Variants in ARMH4 observed in about 807,000 individuals in gnomAD.
The protein encoded by ARMH4 is armadillo like helical domain containing 4.
Under a neutral mutation model 61.9 loss-of-function variants are expected in ARMH4, and 49 were observed. The ratio of observed to expected loss-of-function variants is 0.79; its 90% CI spans 0.63 to 1.00. The LOEUF is 1.00. Among genes scored for constraint, ARMH4 ranks in the 50% least tolerant of loss-of-function variants. The probability of loss-of-function intolerance (pLI) is 0.00; values close to 1 mark genes in which losing one functional copy is unlikely to be tolerated. For missense variants in ARMH4, 934 were observed against 930.0 expected (o/e 1.00, Z -0.06); for synonymous variants, 368 against 341.5 (o/e 1.08, Z -0.85).
intron 4 of ARMH4, among the ~76,000 whole-genome samples, chr14:58,109,715 G>A (rs1000171525): frequency 1.3e-5 from 2 of 152,060 alleles, no homozygotes; most frequent in Non-Finnish European, 2.9e-5. Flanking sequence ...AAATCTTACT[G>A]TTATTACTTC....
chr14:58,151,310 A>T lies in ARMH4; in HGVS notation c.-57+765T>A, dbSNP rs1887911089. Reference sequence around the variant, plus strand: ...AAGGTTCTACATGTTTGGAATCTACACAAGTCAGATTCTGTCAGTGACCAC... The same window carrying T: ...AAGGTTCTACATGTTTGGAATCTACTCAAGTCAGATTCTGTCAGTGACCAC... On this transcript the variant is annotated intron_variant, in intron 1 of 7. Transcript: ENST00000267485. Among the ~76,000 whole-genome samples the T allele has an allele frequency of 2.0e-5, 3 of 152,086 alleles. No individual in the cohort carries two copies. In the South Asian group the frequency reaches 6.2e-4, roughly 32 times the overall value.
At chr14:58,124,875 T>C (rs1354892353) in intron 4 of ARMH4, among the ~76,000 whole-genome samples, 5 of 152,170 alleles carry the variant, frequency 3.3e-5, no homozygotes, top group Admixed American at 3.3e-4. Flanking sequence ...GCAGAACTAA[T>C]AGCCCTCACT....
intron 2 of ARMH4, among the ~76,000 whole-genome samples, chr14:58,133,784 A>G (rs112077137): frequency 3.3e-5 from 5 of 152,356 alleles, no homozygotes; most frequent in African/African-American, 7.2e-5. Flanking sequence ...AAAATAAAGG[A>G]GTAATAATTA....
intron 4 of ARMH4, 135 bp downstream of exon 4, chr14:58,131,377 G>A: frequency 5.0e-6 from 3 of 600,456 alleles, no homozygotes; most frequent in Non-Finnish European, 8.4e-6. Context: ...GGCCAGATTT[G>A]GCCCAGCTGT....
At chr14:58,070,936 A>G (rs1884864191) in intron 5 of ARMH4, among the ~76,000 whole-genome samples, 1 of 152,088 alleles carries the variant, frequency 6.6e-6, no homozygotes, top group Admixed American at 6.5e-5. Flanking sequence ...TTTGATTTTT[A>G]GATCCCACAA....
chr14:58,016,401 AT>A (rs1882617492), intron 5 of ARMH4, among the ~76,000 whole-genome samples: 1 of 152,208 alleles, frequency 6.6e-6, no homozygotes, highest in South Asian at 2.1e-4. Flanking sequence ...TAGATAAAAA[AT>A]ATTACGTGTA....
chr14:58,055,968 C>G (rs1044349613), intron 5 of ARMH4, among the ~76,000 whole-genome samples: 1 of 152,236 alleles, frequency 6.6e-6, no homozygotes, highest in Non-Finnish European at 1.5e-5. Flanking sequence ...CCTGTAAGTA[C>G]TCAGACCCTT....
intron 5 of ARMH4, among the ~76,000 whole-genome samples, chr14:58,071,596 A>T (rs902600489): frequency 2.6e-5 from 4 of 151,892 alleles, no homozygotes; most frequent in African/African-American, 9.7e-5. Flanking sequence ...TAACTCAAAC[A>T]CCCCAGTGAG....
rs377719583 is a variant in ARMH4 at position 58,087,122 on chromosome 14, T to G, written c.2089+9602A>C. On this transcript the variant is annotated intron_variant, in intron 5 of 7. Coordinates refer to ENST00000267485, the MANE Select transcript of ARMH4 (RefSeq NM_001001872.4). The stretch of plus-strand genomic sequence containing the variant: ...CTAATTTCCTGATTTAAATCTCTGA[T>G]TCCTTGTTTTAACATTTAATTTCTT... Among the ~76,000 whole-genome samples the G allele has an allele frequency of 4.5e-4, 68 of 152,346 alleles. 1 individual carries two copies. In the South Asian group the frequency reaches 0.01, roughly 23 times the overall value.
At chr14:58,122,651 G>A (rs1397531221) in intron 4 of ARMH4, among the ~76,000 whole-genome samples, 1 of 152,270 alleles carries the variant, frequency 6.6e-6, no homozygotes. Context: ...TTTAGTCATG[G>A]CCCTCAGGCA....
intron 5 of ARMH4, among the ~76,000 whole-genome samples, chr14:58,061,585 A>G (rs547690479): frequency 2.1e-4 from 32 of 152,310 alleles, no homozygotes; most frequent in African/African-American, 7.7e-4. Context: ...GTTACAGGAG[A>G]AATGAAAGCC....
At position 58,079,474 on chromosome 14, in the gene ARMH4, C is replaced by T. The variant is rs114224998; in HGVS notation, c.2089+17250G>A. 2.1e-3 allele frequency among the ~76,000 whole-genome samples: 323 copies of T among 152,302 alleles called. 4 individuals are homozygous for T. The highest frequency in any genetic ancestry group is 7.5e-3 in the African/African-American group (311 of 41,550). ...AGGCATTAATCCCTTCAACAGGGCTCTGCCCCCATGATTTAATTACCTCTT... is the reference window on the plus strand; with the variant it reads ...AGGCATTAATCCCTTCAACAGGGCTTTGCCCCCATGATTTAATTACCTCTT... On this transcript the variant is annotated intron_variant, in intron 5 of 7. Transcript: ENST00000267485.
At chr14:58,102,169 G>C (rs1886005706) in intron 4 of ARMH4, among the ~76,000 whole-genome samples, 1 of 152,166 alleles carries the variant, frequency 6.6e-6, no homozygotes, top group Non-Finnish European at 1.5e-5. Context: ...CTCAGGCAGG[G>C]ATACATGGTT....
intron 4 of ARMH4, among the ~76,000 whole-genome samples, chr14:58,120,236 T>C (rs2141303053): frequency 6.6e-6 from 1 of 152,268 alleles, no homozygotes; most frequent in African/African-American, 2.4e-5. Flanking sequence ...AAAAGTACAA[T>C]ATTATAATCA....
chr14:58,051,954 G>A (rs1566558769), intron 5 of ARMH4, among the ~76,000 whole-genome samples: 1 of 152,158 alleles, frequency 6.6e-6, no homozygotes, highest in Non-Finnish European at 1.5e-5. Context: ...AAGCTTGAAT[G>A]CTAAAAACAA....
intron 5 of ARMH4, among the ~76,000 whole-genome samples, chr14:58,013,233 C>T (rs184490172): frequency 6.6e-6 from 1 of 152,304 alleles, no homozygotes; most frequent in East Asian, 1.9e-4. Flanking sequence ...CACAACTACT[C>T]AACTCTGATG....
chr14:58,118,553 GA>G (rs374250727), intron 4 of ARMH4, among the ~76,000 whole-genome samples: 36 of 147,358 alleles, frequency 2.4e-4, no homozygotes, highest in African/African-American at 5.2e-4. Context: ...TACATAGGGG[GA>G]AAAAAAAAAG....
At chr14:58,148,385 T>C (rs1887816116) in intron 1 of ARMH4, among the ~76,000 whole-genome samples, 1 of 152,198 alleles carries the variant, frequency 6.6e-6, no homozygotes, top group African/African-American at 2.4e-5. Context: ...GTACGACCCA[T>C]GGTTCCCTAC....
At chr14:58,088,733 A>G (rs1885461747) in intron 5 of ARMH4, among the ~76,000 whole-genome samples, 1 of 152,218 alleles carries the variant, frequency 6.6e-6, no homozygotes, top group Non-Finnish European at 1.5e-5. Context: ...CTTTCCGGGA[A>G]AATTAAATCA....
Sources: allele counts gnomAD v4.1 joint callset (sites outside exome capture counted in the v4.1 genomes callset), GRCh38; gene constraint gnomAD v4.1.1; transcripts MANE v1.5; gene names NCBI Gene and HGNC (gene_info 2026-07-23, HGNC 2026-07-21).